Variants in OLR1 observed in about 807,000 individuals in gnomAD.
The protein encoded by OLR1 is oxidized low-density lipoprotein receptor 1.
A neutral mutation model predicts 31.7 loss-of-function variants in OLR1; 23 were observed. The observed-to-expected ratio is 0.72, with a 90% confidence interval of 0.52 to 1.03. The LOEUF (loss-of-function observed/expected upper bound fraction) is 1.03, where lower values mean the gene tolerates loss of function less well. Ranked by LOEUF, OLR1 falls within the 50% of genes least tolerant of loss-of-function variation. The pLI, the probability that OLR1 is intolerant of heterozygous loss-of-function variation, is 0.00. For missense variants in OLR1, 286 were observed against 315.7 expected (o/e 0.91, Z 0.71); for synonymous variants, 117 against 115.8 (o/e 1.01, Z -0.07).
chr12:10,163,497 G>T (rs1228303353), intron 3 of OLR1, among the ~76,000 whole-genome samples: 1 of 151,310 alleles, frequency 6.6e-6, no homozygotes, highest in Admixed American at 6.6e-5. Flanking sequence ...TAACCTCTCA[G>T]CATCTCTCCC....
At chr12:10,163,886 G>T (rs1050035304) in intron 3 of OLR1, among the ~76,000 whole-genome samples, 2 of 151,512 alleles carry the variant, frequency 1.3e-5, no homozygotes, top group South Asian at 2.1e-4. Context: ...AGCCTAGATC[G>T]CACCACTGCA....
Position 10,159,112 on chromosome 12 carries a change from C to T in OLR1, c.*768G>A, listed in dbSNP as rs1948598164. 1 of 151,994 alleles carries T rather than the reference C, an allele frequency of 6.6e-6. No homozygotes were observed. Among genetic ancestry groups the T allele is most frequent in the Non-Finnish European group, 1.5e-5 (1 of 68,000 alleles). 9.4% of individuals were successfully genotyped at this position (151,994 alleles called of 1,614,324 possible). On this transcript the variant is annotated 3_prime_UTR_variant, in exon 6 of 6. Transcript: ENST00000309539. ...TATTCTTACCTCTGGGCCACACATC[C>T]CATGATTCTAACAAGAACTGTTGTG...
chr12:10,172,167 AG>A (rs1468621213), upstream of OLR1: 52 of 826,126 alleles, frequency 6.3e-5, no homozygotes, highest in South Asian at 6.0e-4. Context: ...GTATTTAAAT[AG>A]CTACTGTTAT....
At chr12:10,173,536 T>G (rs1006348159), upstream of OLR1, among the ~76,000 whole-genome samples, 26 of 125,310 alleles carry the variant, frequency 2.1e-4, no homozygotes, top group Non-Finnish European at 3.8e-4. Context: ...TCTCAGCACT[T>G]TGGGAAGCTG....
At chr12:10,160,079 T>C (rs1948607604) in intron 5 of OLR1, 58 bp from the exon 6 acceptor site, 1 of 1,545,272 alleles carries the variant, frequency 6.5e-7, no homozygotes, top group Admixed American at 2.0e-5. Flanking sequence ...ACTGCCACCT[T>C]GTTTCAGAAA....
At position 10,159,988 on chromosome 12, in the gene OLR1, G is replaced by A. The variant is rs146768121; in HGVS notation, c.714C>T (p.Tyr238=). The A allele has an allele frequency of 1.3e-3, 2,045 of 1,613,760 alleles. 3 individuals carry two copies. The highest frequency in any genetic ancestry group is 1.7e-3 in the Non-Finnish European group (1,989 of 1,179,824). Residue 238 remains tyrosine, a synonymous_variant, in exon 6 of 6, where the codon TAC becomes TAT. Coordinates refer to ENST00000309539, the MANE Select transcript of OLR1 (RefSeq NM_002543.4). ...FRVRGAVSQT[Y]PSGTCAYIQR... ...GTATATATGCACAGGTACCTGAAGG[G>A]TATGTCTGGGAGACAGCGCCTCGGA...
upstream of OLR1, chr12:10,175,590 T>C (rs915892611): frequency 9.9e-5 from 15 of 152,270 alleles, no homozygotes; most frequent in Non-Finnish European, 1.5e-4. Context: ...TGAATCCTTC[T>C]GTCTTGTTTA....
At chr12:10,161,015 A>G in intron 3 of OLR1, 90 bp from the exon 4 acceptor site, 1 of 1,260,382 alleles carries the variant, frequency 7.9e-7, no homozygotes, top group Non-Finnish European at 1.1e-6. Flanking sequence ...TAGTTCTCTC[A>G]CGTGCATACT....
At chr12:10,163,561 GC>G (rs1386947386) in intron 3 of OLR1, among the ~76,000 whole-genome samples, 1 of 138,608 alleles carries the variant, frequency 7.2e-6, no homozygotes, top group Non-Finnish European at 1.5e-5. Context: ...GATAAAACTT[GC>G]CTCAAACTGG....
intron 5 of OLR1, 91 bp downstream of exon 5, chr12:10,160,256 A>G (rs915077162): frequency 1.9e-6 from 2 of 1,053,724 alleles, no homozygotes; most frequent in African/African-American, 1.6e-5. Flanking sequence ...AGAAGAGGAC[A>G]TTGGTGGGAT....
At chr12:10,173,781 A>G (rs1275329327), upstream of OLR1, among the ~76,000 whole-genome samples, 1 of 148,212 alleles carries the variant, frequency 6.7e-6, no homozygotes, top group African/African-American at 2.5e-5. Flanking sequence ...AAAAAAAAAA[A>G]GAATTAAAAA....
At chr12:10,174,902 T>C (rs1948754618), upstream of OLR1, among the ~76,000 whole-genome samples, 1 of 152,258 alleles carries the variant, frequency 6.6e-6, no homozygotes, top group Non-Finnish European at 1.5e-5. Context: ...TGTGGTAGCA[T>C]GTGTCAGAAT....
rs1014294668 is a variant in OLR1 at position 10,169,234 on chromosome 12, A to G, written c.77-59T>C. ...AAAAGAGTGAACAAGTAAGCAAACC[A>G]TTCCTTGGAGCCTGTCTGTACTTGG... is the stretch of plus-strand genomic sequence containing the variant. On this transcript the variant is annotated intron_variant, in intron 1 of 5. Coordinates refer to ENST00000309539, the MANE Select transcript of OLR1 (RefSeq NM_002543.4). 7 of 1,217,970 alleles carry G rather than the reference A, an allele frequency of 5.7e-6. No homozygotes were observed. The Admixed American group carries it at 6.1e-5, about 11-fold the overall frequency. The allele number at this position is 1,217,970 out of a possible 1,614,324, so 75.4% of individuals were successfully genotyped here. A position where few individuals can be genotyped will look rare whatever the true frequency, so the allele number is the denominator to read the frequency against.
intron 3 of OLR1, among the ~76,000 whole-genome samples, chr12:10,166,436 G>A (rs1388315679): frequency 6.6e-6 from 1 of 151,400 alleles, no homozygotes; most frequent in African/African-American, 2.4e-5. Context: ...GCTGAGGCAA[G>A]AGAATCACTT....
At position 10,166,254 on chromosome 12, in the gene OLR1, G is replaced by A. The variant is rs1408080277; in HGVS notation, c.424+458C>T. On this transcript the variant is annotated intron_variant, in intron 3 of 5. Transcript: ENST00000309539. ...AAAATAAATAAAAAATTGACCGAGA[G>A]CGGTGGCTCATGCCTGTAATCCTAG... Among the ~76,000 whole-genome samples, 12 of 151,948 alleles carry A rather than the reference G, an allele frequency of 7.9e-5. 1 individual carries two copies. The South Asian group carries it at 2.5e-3, about 32-fold the overall frequency.
chr12:10,169,186 A>G lies in OLR1; in HGVS notation c.77-11T>C. On this transcript the variant is annotated splice_polypyrimidine_tract_variant and intron_variant, in intron 1 of 5. Transcript: ENST00000309539. ...AAAGAAACTGAAGACCTAGAGTGAC[A>G]GAGGATAGAATCAGAAAGACAAAAA... 6.3e-7 allele frequency: 1 copy of G among 1,593,410 alleles called. No individual in the cohort carries two copies. Among genetic ancestry groups the G allele is most frequent in the Non-Finnish European group, 8.6e-7 (1 of 1,166,702 alleles).
upstream of OLR1, among the ~76,000 whole-genome samples, chr12:10,173,309 A>T (rs1948738900): frequency 6.6e-6 from 1 of 152,222 alleles, no homozygotes; most frequent in African/African-American, 2.4e-5. Flanking sequence ...CTCCAGGAAA[A>T]AAAAGTGCAA....
chr12:10,166,606 A>G, intron 3 of OLR1, 106 bp downstream of exon 3: 3 of 1,005,830 alleles, frequency 3.0e-6, no homozygotes, highest in Non-Finnish European at 3.1e-6. Context: ...GAATAATGAT[A>G]TGCATAACAA....
At chr12:10,169,027 C>A in intron 2 of OLR1, 47 bp downstream of exon 2, 1 of 1,334,768 alleles carries the variant, frequency 7.5e-7, no homozygotes, top group Non-Finnish European at 1.0e-6. Flanking sequence ...ACCTCATTTC[C>A]AACACCCCTG....
Sources: allele counts gnomAD v4.1 joint callset (sites outside exome capture counted in the v4.1 genomes callset), GRCh38; gene constraint gnomAD v4.1.1; transcripts MANE v1.5; gene names NCBI Gene and HGNC (gene_info 2026-07-23, HGNC 2026-07-21).